Variants in APOL2 observed in about 807,000 individuals in gnomAD.
The protein encoded by APOL2 is apolipoprotein L2, also known as apolipoprotein L, 2.
Under a neutral mutation model 7.1 loss-of-function variants are expected in APOL2, and 8 were observed. The observed-to-expected ratio is 1.12, with a 90% CI of 0.66 to 2.03. The LOEUF is 2.03. APOL2 is among the 30% of genes most tolerant of loss of function. APOL2 has a pLI of 0.00. For missense variants in APOL2, 471 were observed against 415.1 expected (o/e 1.13, Z -1.17); for synonymous variants, 177 against 159.9 (o/e 1.11, Z -0.81).
intron 4 of APOL2, among the ~76,000 whole-genome samples, chr22:36,230,374 A>G (rs569561140): frequency 9.2e-5 from 14 of 152,310 alleles, no homozygotes; most frequent in African/African-American, 2.9e-4. Flanking sequence ...ATGACCCTGT[A>G]TGCCCATGAG....
rs575910652 is a variant in APOL2 at position 36,230,590 on chromosome 22, G to A, written c.137+750C>T. 3.4e-4 allele frequency among the ~76,000 whole-genome samples: 52 copies of A among 152,188 alleles called. 1 individual carries two copies. The highest frequency in any genetic ancestry group is 2.3e-3 in the Admixed American group (35 of 15,288). ...GACTCCAGGCTCTGACACTGGTCCC[G>A]GTCTCTCTGGGCCTTTGAGCAGGAT... On this transcript the variant is annotated intron_variant, in intron 4 of 4. Coordinates refer to ENST00000358502, the MANE Select transcript of APOL2 (RefSeq NM_030882.4).
intron 1 of APOL2, 81 bp from the exon 2 acceptor site, chr22:36,233,536 A>C: frequency 7.9e-7 from 1 of 1,260,766 alleles, no homozygotes; most frequent in Non-Finnish European, 1.1e-6. Context: ...TATACACAGG[A>C]ATAGAGATGG....
intron 1 of APOL2, chr22:36,239,130 A>G: frequency 8.3e-7 from 1 of 1,204,572 alleles, no homozygotes; most frequent in African/African-American, 1.5e-5. Flanking sequence ...CACCCCCAAC[A>G]CCTACCTTTC....
rs564240677 is a variant in APOL2, at chr22:36,237,035, G to A, written c.-134+2406C>T. ...ACCAGGAGGGAGAAGAGGAGCAGGA[G>A]GGCAGACAGAGCTGGGGCCTCGGAC... On this transcript the variant is annotated intron_variant, in intron 1 of 4. Coordinates refer to ENST00000358502, the MANE Select transcript of APOL2 (RefSeq NM_030882.4). 1,811 of 1,452,578 alleles carry A rather than the reference G, an allele frequency of 1.2e-3. 9 individuals are homozygous for A. The highest frequency in any genetic ancestry group is 4.7e-3 in the Middle Eastern group (26 of 5,498). The allele number at this position is 1,452,578 out of a possible 1,614,324, so 90.0% of individuals were successfully genotyped here. A position where few individuals can be genotyped will look rare whatever the true frequency, so the allele number is the denominator to read the frequency against.
At chr22:36,231,082 A>G (rs2015206655) in intron 4 of APOL2, among the ~76,000 whole-genome samples, 1 of 152,268 alleles carries the variant, frequency 6.6e-6, no homozygotes, top group Non-Finnish European at 1.5e-5. Context: ...GTGAGAAAGT[A>G]ACTGGCAAAG....
rs1389538441 is a variant in APOL2 at position 36,239,520 on chromosome 22, T to C, written c.-213A>G. On this transcript the variant is annotated 5_prime_UTR_variant, in exon 1 of 5. Transcript: ENST00000358502. ...TGGATCCCACGTCCAGCTGTGCATC[T>C]GTGTAATAACCAGACACGTCCTCCG... is the stretch of plus-strand genomic sequence containing the variant. The C allele has an allele frequency of 3.2e-6, 5 of 1,586,210 alleles. No homozygotes were observed. The highest frequency in any genetic ancestry group is 4.3e-6 in the Non-Finnish European group (5 of 1,172,974).
chr22:36,228,220 C>T lies in APOL2; in HGVS notation c.198G>A (p.Lys66=), dbSNP rs2015092052. The T allele has an allele frequency of 6.2e-7, 1 of 1,614,190 alleles. No individual in the cohort carries two copies. The highest frequency in any genetic ancestry group is 8.5e-7 in the Non-Finnish European group (1 of 1,180,012). ...GGTCTTTATCGTGGCGGTTTTTGTC[C>T]TTCATGACCATGTGACTTGCAAGCT... ...LNKLASHMVM[K]DKNRHDKDQQ... Residue 66 remains lysine, a synonymous_variant, in exon 5 of 5, where the codon AAG becomes AAA. Coordinates refer to ENST00000358502, the MANE Select transcript of APOL2 (RefSeq NM_030882.4).
At position 36,226,375 on chromosome 22, in the gene APOL2, T is replaced by A. The variant is rs1761119068; in HGVS notation, c.*1029A>T. Reference sequence around the variant, plus strand: ...CGATGGGACTGTTTTCATTGGTTGGTTCTCAGATACTCTCTGGGAAGTTTG... The same window carrying A: ...CGATGGGACTGTTTTCATTGGTTGGATCTCAGATACTCTCTGGGAAGTTTG... On this transcript the variant is annotated 3_prime_UTR_variant, in exon 5 of 5. Transcript: ENST00000358502. The A allele has an allele frequency of 6.6e-6, 1 of 152,310 alleles. No homozygotes were observed. Among genetic ancestry groups the A allele is most frequent in the Admixed American group, 6.5e-5 (1 of 15,286 alleles). 9.4% of individuals were successfully genotyped at this position (152,310 alleles called of 1,614,324 possible). A position where few individuals can be genotyped will look rare whatever the true frequency, so the allele number is the denominator to read the frequency against.
chr22:36,227,257 A>G lies in APOL2; in HGVS notation c.*147T>C. 1 of 969,206 alleles carries G rather than the reference A, an allele frequency of 1.0e-6. No individual in the cohort carries two copies. Among genetic ancestry groups the G allele is most frequent in the East Asian group, 2.8e-5 (1 of 35,808 alleles). 60.0% of individuals were successfully genotyped at this position (969,206 alleles called of 1,614,324 possible). A position where few individuals can be genotyped will look rare whatever the true frequency, so the allele number is the denominator to read the frequency against. On this transcript the variant is annotated 3_prime_UTR_variant, in exon 5 of 5. Transcript: ENST00000358502. Reference sequence around the variant, plus strand: ...TGTGAACCCGGGAGGCGGAGTTTGCAGTGAGCCGAGATTGAGCCACTGCAC... The same window carrying G: ...TGTGAACCCGGGAGGCGGAGTTTGCGGTGAGCCGAGATTGAGCCACTGCAC...
At chr22:36,235,748 G>GGGGTGT (rs1556621134) in intron 1 of APOL2, among the ~76,000 whole-genome samples, 85 of 110,734 alleles carry the variant, frequency 7.7e-4, no homozygotes, top group Middle Eastern at 8.3e-3. Context: ...AGAAAGGGTG[G>GGGGTGT]GTGGGTGGGT....
At chr22:36,235,529 C>CAA (rs5845256) in intron 1 of APOL2, among the ~76,000 whole-genome samples, 14 of 151,192 alleles carry the variant, frequency 9.3e-5, no homozygotes, top group African/African-American at 2.7e-4. Flanking sequence ...ATGAAACAAA[C>CAA]AAAAAAAGAG....
chr22:36,227,663 T>G lies in APOL2; in HGVS notation c.755A>C (p.Glu252Ala). ...AACCCTCTCAACCTGTTCACCGCCT[T>G]CAGCTGAGATTCGCCCAATGACATG... ...PPHVIGRISAEGGEQVERVVE... is the reference protein window; with the variant it reads ...PPHVIGRISAAGGEQVERVVE... Residue 252 changes from glutamate to alanine, a missense_variant, in exon 5 of 5, where the codon GAA becomes GCA. By Grantham distance (107) the Glu-to-Ala change is moderately radical (BLOSUM62 -1). Transcript: ENST00000358502. 2.5e-6 allele frequency: 4 copies of G among 1,614,234 alleles called. No individual in the cohort carries two copies. Among genetic ancestry groups the G allele is most frequent in the Non-Finnish European group, 2.5e-6 (3 of 1,180,042 alleles).
In APOL2 at chr22:36,228,231, T is replaced by C. The variant is rs1490629182; in HGVS notation, c.187A>G (p.Met63Val). The part of the protein sequence containing the change: ...RKALNKLASH[M>V]VMKDKNRHDK... Reference sequence around the variant, plus strand: ...TGGCGGTTTTTGTCCTTCATGACCATGTGACTTGCAAGCTTGTTCAGAGCT... The same window carrying C: ...TGGCGGTTTTTGTCCTTCATGACCACGTGACTTGCAAGCTTGTTCAGAGCT... The change falls in exon 5 of 5, where the codon ATG (methionine) becomes GTG (valine). Residue 63 changes from methionine to valine, a missense_variant. Met to Val is a conservative substitution (Grantham distance 21, BLOSUM62 1). Coordinates refer to ENST00000358502, the MANE Select transcript of APOL2 (RefSeq NM_030882.4). 6 of 1,614,178 alleles carry C rather than the reference T, an allele frequency of 3.7e-6. No homozygotes were observed. The highest frequency in any genetic ancestry group is 5.1e-6 in the Non-Finnish European group (6 of 1,180,022).
intron 1 of APOL2, among the ~76,000 whole-genome samples, chr22:36,235,756 G>GGTGTGTGTGTGT (rs869225053): frequency 4.4e-5 from 5 of 113,102 alleles, no homozygotes; most frequent in South Asian, 3.4e-4. Context: ...TGGGTGGGTG[G>GGTGTGTGTGTGT]GTGTGTGTGT....
At position 36,228,272 on chromosome 22, in the gene APOL2, G is replaced by A; in HGVS notation, c.146C>T (p.Ala49Val). Reference protein sequence around the residue: ...VAAAELPRDEADELRKALNKL... With the variant: ...VAAAELPRDEVDELRKALNKL... ...GTTCAGAGCTTTACGGAGCTCATCT[G>A]CCTCATCCCTGCACAAGGAAAGGTT... Residue 49 changes from alanine (A) to valine (V), a missense_variant, in exon 5 of 5, where the codon GCA becomes GTA. Physicochemically the swap from Ala to Val is moderately conservative, Grantham distance 64 (BLOSUM62 0). Coordinates refer to ENST00000358502, the MANE Select transcript of APOL2 (RefSeq NM_030882.4). The A allele has an allele frequency of 1.9e-6, 3 of 1,612,858 alleles. No homozygotes were observed. The highest frequency in any genetic ancestry group is 2.5e-6 in the Non-Finnish European group (3 of 1,179,480).
rs368403887 is a variant in APOL2, at chr22:36,227,796, T to C, written c.622A>G (p.Thr208Ala). The C allele has an allele frequency of 6.2e-7, 1 of 1,614,200 alleles. No individual in the cohort carries two copies. The highest frequency in any genetic ancestry group is 1.1e-5 in the South Asian group (1 of 91,084). The change falls in exon 5 of 5, where the codon ACC (threonine) becomes GCC (alanine). Residue 208 changes from threonine (T) to alanine (A), a missense_variant. Coordinates refer to ENST00000358502, the MANE Select transcript of APOL2 (RefSeq NM_030882.4). ...ACTTGGTACCAATTGTCAACTAAGG[T>C]AAGAACATTGGGTGTGTTCCCACCC... ...FVGGNTPNVL[T>A]LVDNWYQVTQ...
At chr22:36,232,815 A>C in intron 3 of APOL2, among the ~76,000 whole-genome samples, 1 of 149,790 alleles carries the variant, frequency 6.7e-6, no homozygotes, top group South Asian at 2.1e-4. Flanking sequence ...CTCCTCTCCC[A>C]CCCCTCCCCT....
intron 1 of APOL2, among the ~76,000 whole-genome samples, chr22:36,238,636 A>G (rs1177886313): frequency 6.6e-6 from 1 of 152,202 alleles, no homozygotes; most frequent in African/African-American, 2.4e-5. Flanking sequence ...TATACTCACA[A>G]TTCCACAGTG....
upstream of APOL2, chr22:36,239,730 A>T (rs374133959): frequency 1.8e-6 from 1 of 546,110 alleles, no homozygotes. Context: ...CATCCAACCC[A>T]CCTGCCTCAC....
Sources: gnomAD v4.1 joint callset for allele counts (sites outside exome capture counted in the v4.1 genomes callset) on GRCh38, gnomAD v4.1.1 for gene constraint, MANE v1.5 for transcripts, NCBI Gene and HGNC (gene_info 2026-07-23, HGNC 2026-07-21) for gene names.